The following AGBL1 variants were observed in gnomAD, a reference collection of about 807,000 sequenced individuals.
AGBL1 encodes the protein AGBL carboxypeptidase 1, also known as cytosolic carboxypeptidase 4.
A neutral mutation model predicts 118.9 loss-of-function variants in AGBL1; 130 were observed. The observed-to-expected ratio is 1.09, with a 90% CI of 0.95 to 1.26. AGBL1 has a LOEUF of 1.26. Ranked by LOEUF, AGBL1 falls within the 50% of genes most tolerant of loss-of-function variation. The pLI, the probability that AGBL1 is intolerant of heterozygous loss-of-function variation, is 0.00. For missense variants in AGBL1, 1,584 were observed against 1,298.1 expected, an observed-to-expected ratio of 1.22 and a Z score of -3.38; for synonymous variants, 555 against 478.9, an observed-to-expected ratio of 1.16 and a Z score of -2.08.
intron 17 of AGBL1, among the ~76,000 whole-genome samples, chr15:86,373,408 T>C (rs1055272878): frequency 5.3e-5 from 8 of 152,150 alleles, no homozygotes; most frequent in Admixed American, 4.6e-4. Flanking sequence ...CTTAGCATGG[T>C]GGAGGGCATG....
At chr15:86,092,963 A>G (rs1204658702) in intron 1 of AGBL1, among the ~76,000 whole-genome samples, 3 of 152,208 alleles carry the variant, frequency 2.0e-5, no homozygotes, top group Non-Finnish European at 4.4e-5. Context: ...TAGGTTTCTA[A>G]CACATGGTTT....
intron 11 of AGBL1, among the ~76,000 whole-genome samples, chr15:86,265,505 T>G (rs541497330): frequency 6.6e-6 from 1 of 152,216 alleles, no homozygotes; most frequent in East Asian, 1.9e-4. Context: ...GAAAAAAAAC[T>G]GTATGCACAT....
intron 6 of AGBL1, among the ~76,000 whole-genome samples, chr15:86,242,079 GC>G (rs745580734): frequency 1.3e-5 from 2 of 152,132 alleles, no homozygotes; most frequent in Non-Finnish European, 2.9e-5. Context: ...GCTCTCTCTT[GC>G]CTGCCACCAT....
At chr15:86,192,015 C>G (rs944505336) in intron 5 of AGBL1, among the ~76,000 whole-genome samples, 1 of 151,428 alleles carries the variant, frequency 6.6e-6, no homozygotes, top group Non-Finnish European at 1.5e-5. Flanking sequence ...GTTGGAGGGT[C>G]GCTTGAGCCC....
chr15:86,417,913 AT>A, intron 18 of AGBL1, among the ~76,000 whole-genome samples: 1 of 152,178 alleles, frequency 6.6e-6, no homozygotes, highest in East Asian at 1.9e-4. Context: ...TTGCTAACTC[AT>A]TTTCAGCTTA....
chr15:86,179,042 G>C (rs1415657641), intron 5 of AGBL1, among the ~76,000 whole-genome samples: 2 of 152,114 alleles, frequency 1.3e-5, no homozygotes, highest in Non-Finnish European at 2.9e-5. Flanking sequence ...TTGAGTAATG[G>C]GCCACCTGGT....
At chr15:87,011,759 G>C (rs185606125) in intron 24 of AGBL1, among the ~76,000 whole-genome samples, 1 of 152,288 alleles carries the variant, frequency 6.6e-6, no homozygotes, top group African/African-American at 2.4e-5. Flanking sequence ...TTGCTTAGGA[G>C]CTCAAAATTT....
chr15:86,464,952 C>T (rs1262103282), intron 18 of AGBL1, among the ~76,000 whole-genome samples: 1 of 151,872 alleles, frequency 6.6e-6, no homozygotes, highest in Non-Finnish European at 1.5e-5. Context: ...GTTGGCCTGT[C>T]TTGCTGGGTT....
At chr15:86,699,147 A>T (rs891537574) in intron 22 of AGBL1, among the ~76,000 whole-genome samples, 5 of 151,874 alleles carry the variant, frequency 3.3e-5, no homozygotes, top group African/African-American at 1.2e-4. Flanking sequence ...AATAATTTCA[A>T]CCTCACAAAA....
rs559519251 is a variant in AGBL1, at chr15:86,527,243, A to G, written c.2685+4304A>G. 4.6e-5 allele frequency among the ~76,000 whole-genome samples: 7 copies of G among 152,356 alleles called. No homozygotes were observed. In the South Asian group the frequency reaches 1.4e-3, roughly 32 times the overall value. On this transcript the variant is annotated intron_variant, in intron 19 of 22. Transcript: ENST00000614907. ...AGGAAGAAATCCCTATATAATACAC[A>G]TTTAAACACGCACACATTCAATCCA...
chr15:86,170,424 G>A (rs2077398059), intron 5 of AGBL1, among the ~76,000 whole-genome samples: 1 of 151,778 alleles, frequency 6.6e-6, no homozygotes, highest in Non-Finnish European at 1.5e-5. Context: ...AATAGGTAGG[G>A]ACAGAAAAAA....
intron 22 of AGBL1, among the ~76,000 whole-genome samples, chr15:86,749,435 A>G (rs970595195): frequency 3.3e-5 from 5 of 152,110 alleles, no homozygotes; most frequent in Non-Finnish European, 4.4e-5. Context: ...TTTTCTAGAT[A>G]TATAATCATG....
At chr15:86,374,222 G>T (rs528499474) in intron 17 of AGBL1, among the ~76,000 whole-genome samples, 4 of 152,152 alleles carry the variant, frequency 2.6e-5, no homozygotes, top group Non-Finnish European at 5.9e-5. Context: ...ATACTTAATG[G>T]TATCCATTGA....
intron 5 of AGBL1, among the ~76,000 whole-genome samples, chr15:86,218,785 C>G (rs552901799): frequency 6.6e-6 from 1 of 152,236 alleles, no homozygotes; most frequent in Admixed American, 6.5e-5. Flanking sequence ...CCGGCAGTGT[C>G]CTTGGCCTTG....
At chr15:86,530,574 C>T (rs2142218028) in intron 19 of AGBL1, among the ~76,000 whole-genome samples, 1 of 148,230 alleles carries the variant, frequency 6.7e-6, no homozygotes, top group African/African-American at 2.5e-5. Context: ...AACAAGGATA[C>T]CCAGGAATTG....
At chr15:86,530,409 C>G (rs1363588723) in intron 19 of AGBL1, among the ~76,000 whole-genome samples, 1 of 139,256 alleles carries the variant, frequency 7.2e-6, no homozygotes, top group South Asian at 2.4e-4. Flanking sequence ...GAGGAGCTAA[C>G]TATCCTAAAT....
intron 3 of AGBL1, among the ~76,000 whole-genome samples, chr15:86,147,522 T>C (rs1405286725): frequency 6.6e-6 from 1 of 152,210 alleles, no homozygotes; most frequent in Admixed American, 6.5e-5. Context: ...CACAGCAGTC[T>C]GACATCAATC....
At position 86,167,996 on chromosome 15, in the gene AGBL1, G is replaced by A. The variant is rs546346276; in HGVS notation, c.488+8970G>A. 2.6e-5 allele frequency among the ~76,000 whole-genome samples: 4 copies of A among 152,310 alleles called. No individual in the cohort carries two copies. The South Asian group carries it at 8.3e-4, about 32-fold the overall frequency. ...CAGGTCTGAGTTTCTTTCATATGGT[G>A]CATCATAGGTATTCAATAAATGCCA... On this transcript the variant is annotated intron_variant, in intron 5 of 22. Transcript: ENST00000614907.
At chr15:86,568,444 A>C (rs1174111503) in intron 21 of AGBL1, among the ~76,000 whole-genome samples, 2 of 152,230 alleles carry the variant, frequency 1.3e-5, no homozygotes, top group Admixed American at 6.5e-5. Context: ...CTCTTAAATC[A>C]GCTCAGAAGT....
Sources: allele counts gnomAD v4.1 joint callset (sites outside exome capture counted in the v4.1 genomes callset), GRCh38; gene constraint gnomAD v4.1.1; transcripts MANE v1.5; gene names NCBI Gene and HGNC (gene_info 2026-07-23, HGNC 2026-07-21).